PISD: variants seen among roughly 807,000 people sequenced by gnomAD.
The protein encoded by PISD is phosphatidylserine decarboxylase.
In PISD, 31 loss-of-function variants were observed where a neutral mutation model predicts 43.5. The ratio of observed to expected loss-of-function variants is 0.71; its 90% CI spans 0.54 to 0.96. PISD has a LOEUF of 0.96. Ranked by LOEUF, PISD falls within the 40% of genes least tolerant of loss-of-function variation. The probability of loss-of-function intolerance (pLI) is 0.00; values close to 1 mark genes in which losing one functional copy is unlikely to be tolerated. For missense variants in PISD, 523 were observed against 548.4 expected (o/e 0.95, Z 0.46); for synonymous variants, 259 against 228.7 (o/e 1.13, Z -1.20).
Position 31,618,572 on chromosome 22 carries a change from A to C in PISD, c.*1040T>G. Reference sequence around the variant, plus strand: ...CAGAAGTCTCCCACTTTTCATACAAAAATACTGTGCTACTGATACAGTTGA... The same window carrying C: ...CAGAAGTCTCCCACTTTTCATACAACAATACTGTGCTACTGATACAGTTGA... On this transcript the variant is annotated 3_prime_UTR_variant, in exon 8 of 8. Transcript: ENST00000439502. The C allele has an allele frequency of 1.3e-6, 1 of 740,738 alleles. No homozygotes were observed. The highest frequency in any genetic ancestry group is 2.0e-6 in the Non-Finnish European group (1 of 499,976). The allele number at this position is 740,738 out of a possible 1,614,324, so 45.9% of individuals were successfully genotyped here.
At chr22:31,660,879 G>T (rs1311309933) in intron 1 of PISD, among the ~76,000 whole-genome samples, 1 of 152,030 alleles carries the variant, frequency 6.6e-6, no homozygotes, top group Admixed American at 6.6e-5. Context: ...GATTACAGGT[G>T]CCTGCCACCA....
intron 3 of PISD, among the ~76,000 whole-genome samples, chr22:31,644,047 C>CAAA (rs549530970): frequency 2.4e-4 from 33 of 134,896 alleles, no homozygotes; most frequent in Non-Finnish European, 4.0e-4. Context: ...GTCTCCGTCT[C>CAAA]AAAAAAAAAA....
At chr22:31,650,903 T>C (rs1220396278) in intron 1 of PISD, 125 bp from the exon 2 acceptor site, 1 of 568,708 alleles carries the variant, frequency 1.8e-6, no homozygotes, top group African/African-American at 1.9e-5. Flanking sequence ...TTTTGACAAC[T>C]GTACTGTAGA....
intron 3 of PISD, among the ~76,000 whole-genome samples, chr22:31,645,949 GTA>G (rs538386541): frequency 1.3e-5 from 2 of 149,378 alleles, no homozygotes; most frequent in Admixed American, 6.7e-5. Context: ...AGTTATCTCA[GTA>G]TATATATATA....
At chr22:31,658,683 G>A in intron 1 of PISD, among the ~76,000 whole-genome samples, 1 of 151,722 alleles carries the variant, frequency 6.6e-6, no homozygotes, top group Non-Finnish European at 1.5e-5. Flanking sequence ...CCAAGTAGCT[G>A]GGACCACAGA....
At chr22:31,634,301 C>G (rs1303598636) in intron 3 of PISD, among the ~76,000 whole-genome samples, 1 of 152,242 alleles carries the variant, frequency 6.6e-6, no homozygotes, top group East Asian at 1.9e-4. Context: ...AGGCAGGCAT[C>G]AGCCTCCCCA....
Position 31,622,030 on chromosome 22 carries a change from TTG to T in PISD, c.322-147_322-146del. The T allele has an allele frequency of 4.6e-6, 3 of 646,662 alleles. No individual in the cohort carries two copies. In the South Asian group the frequency reaches 5.5e-5, roughly 12 times the overall value. The allele number at this position is 646,662 out of a possible 1,614,324, so 40.1% of individuals were successfully genotyped here. ...AGGGCCCAGGTGCCCCACGCTGCTT[TTG>T]TGATGTGGCTGTTTCTCACTGGGAA... On this transcript the variant is annotated intron_variant, in intron 3 of 7. Coordinates refer to ENST00000439502, the MANE Select transcript of PISD (RefSeq NM_001326411.2).
In PISD at chr22:31,620,668, T is replaced by G; in HGVS notation, c.890A>C (p.Glu297Ala). Residue 297 changes from glutamate to alanine, a missense_variant, in exon 7 of 8, where the codon GAG becomes GCG. Transcript: ENST00000439502. ...VNPGMARWIK[E>A]LFCHNERVVL... ...CACCCGCTCGTTATGGCAGAAGAGC[T>G]CTTTGATCCAGCGAGCCATGCCAGG... is the stretch of plus-strand genomic sequence containing the variant. 6 of 1,614,134 alleles carry G rather than the reference T, an allele frequency of 3.7e-6. No individual in the cohort carries two copies. Among genetic ancestry groups the G allele is most frequent in the Non-Finnish European group, 5.1e-6 (6 of 1,180,028 alleles).
chr22:31,662,431 A>C, upstream of PISD: 1 of 568,978 alleles, frequency 1.8e-6, no homozygotes, highest in Non-Finnish European at 3.2e-6. Flanking sequence ...GCTTGGTCGC[A>C]GCACTGCCAC....
At chr22:31,624,745 ACACACACACAC>A (rs1431730158) in intron 3 of PISD, among the ~76,000 whole-genome samples, 2 of 149,792 alleles carry the variant, frequency 1.3e-5, no homozygotes, top group African/African-American at 4.9e-5. Flanking sequence ...ACACACACAC[ACACACACACAC>A]GAGACCCAAG....
At position 31,619,051 on chromosome 22, in the gene PISD, C is replaced by A; in HGVS notation, c.*561G>T. ...GCAGAGTCCAGGGTGATGCGTTCAG[C>A]CACAAGCACAAAGACTGCTTTTTCT... On this transcript the variant is annotated 3_prime_UTR_variant, in exon 8 of 8. Coordinates refer to ENST00000439502, the MANE Select transcript of PISD (RefSeq NM_001326411.2). 4.4e-6 allele frequency: 1 copy of A among 229,074 alleles called. No homozygotes were observed. The highest frequency in any genetic ancestry group is 8.8e-6 in the Non-Finnish European group (1 of 113,426). The allele number at this position is 229,074 out of a possible 1,614,324, so 14.2% of individuals were successfully genotyped here. A position where few individuals can be genotyped will look rare whatever the true frequency, so the allele number is the denominator to read the frequency against.
In PISD at chr22:31,650,769, G is replaced by A; in HGVS notation, c.75C>T (p.Pro25=). 1 of 1,550,670 alleles carries A rather than the reference G, an allele frequency of 6.4e-7. No homozygotes were observed. The highest frequency in any genetic ancestry group is 1.4e-5 in the African/African-American group (1 of 73,218). Residue 25 remains proline, a synonymous_variant, in exon 2 of 8, where the codon CCC becomes CCT. Transcript: ENST00000439502. ...GVAPWRSSLH[P]CEITALSQSL... ...ATTGGCTCAGGGCAGTGATCTCACA[G>A]GGATGGAGGCTATAACCAAGCAAAA...
At chr22:31,658,540 A>AGTTT (rs72370751) in intron 1 of PISD, among the ~76,000 whole-genome samples, 19 of 151,778 alleles carry the variant, frequency 1.3e-4, no homozygotes, top group Middle Eastern at 3.4e-3. Context: ...CCTGGTTATA[A>AGTTT]GTTTGTTTGT....
rs1157170384 is a variant in PISD, at chr22:31,619,436, C to T, written c.*176G>A. ...GGGGCATGATGGGGGCTCTCGCCACCTCTTGTCTGCACCTCTGGAACAGGT... is the reference window on the plus strand; with the variant it reads ...GGGGCATGATGGGGGCTCTCGCCACTTCTTGTCTGCACCTCTGGAACAGGT... On this transcript the variant is annotated 3_prime_UTR_variant, in exon 8 of 8. Transcript: ENST00000439502. The T allele has an allele frequency of 4.3e-6, 3 of 690,444 alleles. No homozygotes were observed. The highest frequency in any genetic ancestry group is 7.9e-6 in the Non-Finnish European group (3 of 377,634). 42.8% of individuals were successfully genotyped at this position (690,444 alleles called of 1,614,324 possible). A position where few individuals can be genotyped will look rare whatever the true frequency, so the allele number is the denominator to read the frequency against.
At chr22:31,620,113 G>C (rs1481083291) in intron 7 of PISD, among the ~76,000 whole-genome samples, 1 of 152,222 alleles carries the variant, frequency 6.6e-6, no homozygotes, top group Non-Finnish European at 1.5e-5. Flanking sequence ...AGCAGCACCC[G>C]TGGGAGCCAA....
Position 31,621,703 on chromosome 22 carries a change from G to T in PISD, c.504C>A (p.Phe168Leu), listed in dbSNP as rs769789016. The change falls in exon 4 of 8, where the codon TTC becomes TTA. Residue 168 changes from phenylalanine (F) to leucine (L), a missense_variant. Coordinates refer to ENST00000439502, the MANE Select transcript of PISD (RefSeq NM_001326411.2). ...DLHHYRNLSE[F>L]FRRKLKPQAR... ...CCTGCGGCTTCAGCTTGCGCCGGAA[G>T]AACTCGCTGAGGTTGCGGTAGTGAT... 3.8e-5 allele frequency: 62 copies of T among 1,613,944 alleles called. No homozygotes were observed. In the South Asian group the frequency reaches 6.4e-4, roughly 17 times the overall value.
chr22:31,623,622 C>T (rs2072704006), intron 3 of PISD: 1 of 1,497,654 alleles, frequency 6.7e-7, no homozygotes, highest in South Asian at 1.3e-5. Context: ...GTCTCTCCTG[C>T]ACCCCAACCT....
intron 3 of PISD, chr22:31,625,437 C>G: frequency 2.1e-6 from 1 of 474,342 alleles, no homozygotes; most frequent in Admixed American, 3.6e-5. Context: ...AGCCTCTCTC[C>G]TAGGTGGGGT....
chr22:31,661,687 A>G (rs559439314), intron 1 of PISD, among the ~76,000 whole-genome samples: 1 of 152,328 alleles, frequency 6.6e-6, no homozygotes, highest in African/African-American at 2.4e-5. Flanking sequence ...CTCTAGCCCC[A>G]TAACATATTG....
Sources: gnomAD v4.1 joint callset for allele counts (sites outside exome capture counted in the v4.1 genomes callset) on GRCh38, gnomAD v4.1.1 for gene constraint, MANE v1.5 for transcripts, NCBI Gene and HGNC (gene_info 2026-07-23, HGNC 2026-07-21) for gene names.